MAD1L1: variants seen among roughly 807,000 people sequenced by gnomAD.
The protein encoded by MAD1L1 is mitotic arrest deficient 1 like 1.
A neutral mutation model predicts 96.9 loss-of-function variants in MAD1L1; 95 were observed. That is an observed-to-expected ratio of 0.98 (90% CI 0.83 to 1.16). The LOEUF (loss-of-function observed/expected upper bound fraction) is 1.16. Among genes scored for constraint, MAD1L1 ranks in the 50% most tolerant of loss-of-function variants. MAD1L1 has a pLI of 0.00. For synonymous variants in MAD1L1, 473 were observed against 396.6 expected (o/e 1.19, Z -2.29); for missense variants, 1,007 against 954.4 (o/e 1.06, Z -0.73).
intron 18 of MAD1L1, chr7:1,847,735 G>T: frequency 2.1e-6 from 1 of 469,336 alleles, no homozygotes; most frequent in Non-Finnish European, 4.4e-6. Flanking sequence ...CGGCGTCCCT[G>T]GGCCCGGGAC....
At chr7:2,007,226 C>T (rs1314757002) in intron 13 of MAD1L1, among the ~76,000 whole-genome samples, 2 of 152,216 alleles carry the variant, frequency 1.3e-5, no homozygotes, top group African/African-American at 4.8e-5. Flanking sequence ...AGATTGAAGC[C>T]AGGGCTAAAT....
intron 17 of MAD1L1, among the ~76,000 whole-genome samples, chr7:1,929,390 C>A (rs948197608): frequency 6.6e-6 from 1 of 152,172 alleles, no homozygotes. Context: ...TCTCCCTGGC[C>A]CAGCCTGGAC....
At chr7:2,198,587 G>A (rs964678814) in intron 10 of MAD1L1, among the ~76,000 whole-genome samples, 1 of 152,330 alleles carries the variant, frequency 6.6e-6, no homozygotes, top group African/African-American at 2.4e-5. Context: ...CAACAGAGGC[G>A]AGTGCTTCCT....
chr7:2,008,297 C>T (rs1782127792), intron 13 of MAD1L1, among the ~76,000 whole-genome samples: 3 of 152,194 alleles, frequency 2.0e-5, no homozygotes, highest in East Asian at 1.9e-4. Context: ...TCCAGGAAAC[C>T]GCATCTGTGA....
chr7:1,938,774 G>T (rs953649641), intron 16 of MAD1L1, among the ~76,000 whole-genome samples: 3 of 110,254 alleles, frequency 2.7e-5, no homozygotes, highest in East Asian at 3.0e-4. Flanking sequence ...ACACACGCAC[G>T]CACACAGAGA....
chr7:2,124,558 G>A (rs898523507), intron 11 of MAD1L1, among the ~76,000 whole-genome samples: 10 of 152,202 alleles, frequency 6.6e-5, no homozygotes, highest in Non-Finnish European at 1.5e-4. Context: ...ACTGCCCAGG[G>A]GTGCAGTGAG....
intron 12 of MAD1L1, among the ~76,000 whole-genome samples, chr7:2,034,453 C>T (rs1783374534): frequency 1.3e-5 from 2 of 152,146 alleles, no homozygotes; most frequent in African/African-American, 4.8e-5. Flanking sequence ...TGAGCTCAGG[C>T]AATCCACCCG....
At chr7:1,822,466 G>A (rs1219106697) in intron 18 of MAD1L1, among the ~76,000 whole-genome samples, 1 of 144,440 alleles carries the variant, frequency 6.9e-6, no homozygotes, top group Non-Finnish European at 1.5e-5. Flanking sequence ...TTTGGAAAGA[G>A]GGTCTTATTC....
intron 18 of MAD1L1, among the ~76,000 whole-genome samples, chr7:1,877,709 T>C (rs956911151): frequency 4.6e-5 from 7 of 152,120 alleles, no homozygotes; most frequent in Non-Finnish European, 7.3e-5. Context: ...TATATAAATA[T>C]TAAAATTGTA....
At chr7:1,941,284 C>CCCCAGCA (rs1261410237) in intron 16 of MAD1L1, among the ~76,000 whole-genome samples, 1 of 152,084 alleles carries the variant, frequency 6.6e-6, no homozygotes, top group African/African-American at 2.4e-5. Flanking sequence ...AGAGGCACAG[C>CCCCAGCA]CCCAGCCCCC....
At chr7:1,879,312 G>T (rs1049914373) in intron 18 of MAD1L1, among the ~76,000 whole-genome samples, 2 of 152,000 alleles carry the variant, frequency 1.3e-5, no homozygotes, top group South Asian at 4.2e-4. Context: ...AAACTTAGCC[G>T]GGTGTGGTGG....
intron 17 of MAD1L1, among the ~76,000 whole-genome samples, chr7:1,920,941 T>C (rs1026188668): frequency 1.3e-5 from 2 of 152,266 alleles, no homozygotes; most frequent in Non-Finnish European, 1.5e-5. Flanking sequence ...TGCAGATTCA[T>C]GTTCCCTGCT....
intron 16 of MAD1L1, among the ~76,000 whole-genome samples, chr7:1,953,114 A>G (rs889811614): frequency 3.3e-5 from 5 of 152,038 alleles, no homozygotes; most frequent in African/African-American, 1.2e-4. Flanking sequence ...GGAGGGGGTG[A>G]GGAGGTCTGA....
chr7:1,879,635 T>C (rs912985012), intron 18 of MAD1L1, among the ~76,000 whole-genome samples: 1 of 152,222 alleles, frequency 6.6e-6, no homozygotes, highest in African/African-American at 2.4e-5. Flanking sequence ...TTATGTTACT[T>C]GACTTTGAGA....
chr7:1,968,282 G>A lies in MAD1L1; in HGVS notation c.1506-10563C>T, dbSNP rs1450054914. ...CACCAGCGGTCTTGTCCACATCAAC[G>A]CCTCAGTCCAGCGGTCAGGTCCACT... is the stretch of plus-strand genomic sequence containing the variant. On this transcript the variant is annotated intron_variant, in intron 15 of 18. Coordinates refer to ENST00000265854, the MANE Select transcript of MAD1L1 (RefSeq NM_001013836.2). The surrounding 1 kb of genome is among the most constrained non-coding windows in gnomAD (Gnocchi z 5.6). Among the ~76,000 whole-genome samples, 3 of 148,716 alleles carry A rather than the reference G, an allele frequency of 2.0e-5. No homozygotes were observed. Among genetic ancestry groups the A allele is most frequent in the Admixed American group, 6.7e-5 (1 of 14,916 alleles).
Position 1,869,100 on chromosome 7 carries a change from G to A in MAD1L1, c.1998+29100C>T, listed in dbSNP as rs578023828. ...ACACGTGGACGGTGAGGCCCGGGACGGGAACATCCGAGCAACGATCCATGC... is the reference window on the plus strand; with the variant it reads ...ACACGTGGACGGTGAGGCCCGGGACAGGAACATCCGAGCAACGATCCATGC... On this transcript the variant is annotated intron_variant, in intron 18 of 18. Transcript: ENST00000265854. Among the ~76,000 whole-genome samples, 326 of 152,268 alleles carry A rather than the reference G, an allele frequency of 2.1e-3. 1 individual carries two copies. The highest frequency in any genetic ancestry group is 7.4e-3 in the African/African-American group (307 of 41,564).
chr7:2,100,228 A>G (rs56159855), intron 11 of MAD1L1, among the ~76,000 whole-genome samples: 4,118 of 152,284 alleles, frequency 0.027, 98 homozygotes, highest in South Asian at 0.09. Context: ...GAGGAGGAAA[A>G]GGTCTCAAAG....
chr7:1,898,443 G>C, intron 17 of MAD1L1, 53 bp from the exon 18 acceptor site: 1 of 1,551,094 alleles, frequency 6.4e-7, no homozygotes, highest in South Asian at 1.2e-5. Flanking sequence ...CGGAGGGGTG[G>C]GGACCCGGGA....
At chr7:2,081,078 T>A (rs1390222018) in intron 11 of MAD1L1, among the ~76,000 whole-genome samples, 3 of 151,980 alleles carry the variant, frequency 2.0e-5, no homozygotes, top group Admixed American at 6.5e-5. Flanking sequence ...AGAGAGCTGC[T>A]GTGATGGTCC....
Sources: allele counts gnomAD v4.1 joint callset (sites outside exome capture counted in the v4.1 genomes callset), GRCh38; gene constraint gnomAD v4.1.1; non-coding constraint Gnocchi (gnomAD v3.1); transcripts MANE v1.5; gene names NCBI Gene and HGNC (gene_info 2026-07-23, HGNC 2026-07-21).